KANSL1: variants seen among roughly 807,000 people sequenced by gnomAD.
KANSL1 encodes the protein MLL1/MLL complex subunit KANSL1.
Under a neutral mutation model 103.6 loss-of-function variants are expected in KANSL1, and 22 were observed. That is an observed-to-expected ratio of 0.21 (90% CI 0.15 to 0.30). The LOEUF (loss-of-function observed/expected upper bound fraction) is 0.30. Ranked by LOEUF, KANSL1 falls within the 10% of genes least tolerant of loss-of-function variation. The probability of loss-of-function intolerance (pLI) is 1.00; values close to 1 mark genes in which losing one functional copy is unlikely to be tolerated. For missense variants in KANSL1, 1,337 were observed against 1,399.8 expected (o/e 0.96, Z 0.72); for synonymous variants, 600 against 527.6 (o/e 1.14, Z -1.88).
chr17:46,106,285 C>T (rs2042562722), intron 2 of KANSL1, among the ~76,000 whole-genome samples: 1 of 152,192 alleles, frequency 6.6e-6, no homozygotes, highest in East Asian at 1.9e-4. Context: ...AATAATGCTC[C>T]AACTTTAGTA....
chr17:46,091,241 A>G lies in KANSL1; in HGVS notation c.1431+3319T>C, dbSNP rs528551308. 2.3e-4 allele frequency among the ~76,000 whole-genome samples: 35 copies of G among 152,360 alleles called. 1 individual carries two copies. The highest frequency in any genetic ancestry group is 8.4e-4 in the African/African-American group (35 of 41,582). On this transcript the variant is annotated intron_variant, in intron 3 of 14. Transcript: ENST00000432791. The stretch of plus-strand genomic sequence containing the variant: ...AAATAAAACTTTCATTTTAAAATGG[A>G]AAGTTTTAAAGATAGAAAAAAGCTT...
At chr17:46,076,129 G>T (rs958730858) in intron 4 of KANSL1, among the ~76,000 whole-genome samples, 1 of 152,178 alleles carries the variant, frequency 6.6e-6, no homozygotes. Context: ...AATTAACTTT[G>T]TAAGAAGGCT....
chr17:46,104,288 TG>T (rs1290734789), intron 2 of KANSL1, among the ~76,000 whole-genome samples: 2 of 152,356 alleles, frequency 1.3e-5, no homozygotes, highest in East Asian at 3.9e-4. Context: ...TGTAATTGTT[TG>T]TCATACCCTA....
At chr17:46,126,826 G>A (rs1355928669) in intron 2 of KANSL1, among the ~76,000 whole-genome samples, 1 of 152,142 alleles carries the variant, frequency 6.6e-6, no homozygotes, top group Non-Finnish European at 1.5e-5. Flanking sequence ...CCTAAAGTAG[G>A]AAAGAATAAT....
At chr17:46,184,801 A>C (rs1335208421) in intron 1 of KANSL1, among the ~76,000 whole-genome samples, 5 of 148,884 alleles carry the variant, frequency 3.4e-5, no homozygotes, top group Admixed American at 3.3e-4. Flanking sequence ...ATAAACTCAC[A>C]ATTTTGTCTT....
chr17:46,154,285 C>T (rs1044419293), intron 2 of KANSL1, among the ~76,000 whole-genome samples: 2 of 152,210 alleles, frequency 1.3e-5, no homozygotes, highest in Non-Finnish European at 2.9e-5. Context: ...TCTGATTTGT[C>T]CCTTGACAAA....
chr17:46,057,680 A>T (rs1204981148), intron 6 of KANSL1, among the ~76,000 whole-genome samples: 1 of 152,274 alleles, frequency 6.6e-6, no homozygotes, highest in African/African-American at 2.4e-5. Context: ...GGACAGAAAA[A>T]CATCACTGTT....
At chr17:46,106,551 C>A (rs2042576838) in intron 2 of KANSL1, among the ~76,000 whole-genome samples, 1 of 152,134 alleles carries the variant, frequency 6.6e-6, no homozygotes, top group Admixed American at 6.5e-5. Flanking sequence ...CACCACCACA[C>A]CTGGCTAATT....
rs566090811 is a variant in KANSL1 at position 46,188,252 on chromosome 17, T to C, written c.-90+4571A>G. Among the ~76,000 whole-genome samples the C allele has an allele frequency of 9.8e-5, 15 of 152,390 alleles. No individual in the cohort carries two copies. The South Asian group carries it at 2.7e-3, about 27-fold the overall frequency. ...TACAGTGGATATTTGTCTTTTCTAATTCATACTGTCTTCTACAGCCATAGT... is the reference window on the plus strand; with the variant it reads ...TACAGTGGATATTTGTCTTTTCTAACTCATACTGTCTTCTACAGCCATAGT... On this transcript the variant is annotated intron_variant, in intron 1 of 14. Transcript: ENST00000432791.
upstream of KANSL1, among the ~76,000 whole-genome samples, chr17:46,223,994 A>G (rs2048608404): frequency 6.6e-6 from 1 of 151,592 alleles, no homozygotes; most frequent in African/African-American, 2.4e-5. Context: ...ACTTTACATA[A>G]AAAGAGAAAT....
chr17:46,189,425 CTG>C (rs1222203669), intron 1 of KANSL1, among the ~76,000 whole-genome samples: 1 of 152,054 alleles, frequency 6.6e-6, no homozygotes, highest in African/African-American at 2.4e-5. Context: ...TCGCTTATTT[CTG>C]TGTCTTAATG....
At chr17:46,087,075 T>C (rs1241609816) in intron 3 of KANSL1, among the ~76,000 whole-genome samples, 2 of 152,270 alleles carry the variant, frequency 1.3e-5, no homozygotes, top group African/African-American at 4.8e-5. Context: ...GCTTGAATGT[T>C]TATTTGAAGA....
intron 7 of KANSL1, chr17:46,045,504 C>T (rs890752655): frequency 6.6e-6 from 1 of 150,810 alleles, no homozygotes; most frequent in African/African-American, 2.4e-5. Flanking sequence ...GTCCAAACCC[C>T]AGGGCCATAG....
rs554342482 is a variant in KANSL1 at position 46,101,026 on chromosome 17, C to G, written c.1290-6325G>C. On this transcript the variant is annotated intron_variant, in intron 2 of 14. Transcript: ENST00000432791. ...AGATAAATTGACAAAGGATTATGTG[C>G]TACTTCCAAGTGTGCAGGAAATCCT... Among the ~76,000 whole-genome samples, 8 of 152,316 alleles carry G rather than the reference C, an allele frequency of 5.3e-5. No individual in the cohort carries two copies. In the South Asian group the frequency reaches 1.7e-3, roughly 32 times the overall value.
rs2077679375 is a variant in KANSL1, at chr17:46,050,652, G to A, written c.1901C>T (p.Ala634Val). 1.2e-6 allele frequency: 2 copies of A among 1,614,038 alleles called. No individual in the cohort carries two copies. Among genetic ancestry groups the A allele is most frequent in the Admixed American group, 1.7e-5 (1 of 60,004 alleles). The part of the protein sequence containing the change: ...RPGCDVNPSC[A>V]LCGSGSINTM... ...GTTGATGCTGCCTGAACCACACAGT[G>A]CGCAGGAGGGATTCACATCACAGCC... Residue 634 changes from alanine (A) to valine (V), a missense_variant, in exon 7 of 15, where the codon GCA becomes GTA. Ala to Val is a moderately conservative substitution (Grantham distance 64, BLOSUM62 0). Around this residue, in one of 2 missense-constraint regions of KANSL1, gnomAD observed 780 missense variants for 923.4 expected, o/e 0.84. Coordinates refer to ENST00000432791, the MANE Select transcript of KANSL1 (RefSeq NM_015443.4).
chr17:46,053,989 C>T (rs924960776), intron 6 of KANSL1, among the ~76,000 whole-genome samples: 4 of 152,130 alleles, frequency 2.6e-5, no homozygotes, highest in Non-Finnish European at 5.9e-5. Flanking sequence ...AATATCACAA[C>T]AGATGGTGTG....
At chr17:46,194,492 C>T (rs1026147053), upstream of KANSL1, among the ~76,000 whole-genome samples, 1 of 152,206 alleles carries the variant, frequency 6.6e-6, no homozygotes, top group African/African-American at 2.4e-5. Flanking sequence ...AATAATGGAA[C>T]CTTTCCTAGA....
intron 4 of KANSL1, among the ~76,000 whole-genome samples, chr17:46,072,223 A>T (rs1442639832): frequency 6.6e-6 from 1 of 152,198 alleles, no homozygotes; most frequent in African/African-American, 2.4e-5. Context: ...TTCACCAAAA[A>T]GTAGAGAGGG....
chr17:46,129,337 TAA>T (rs1001344220), intron 2 of KANSL1, among the ~76,000 whole-genome samples: 2 of 152,124 alleles, frequency 1.3e-5, no homozygotes, highest in South Asian at 2.1e-4. Context: ...GGGAGTTAAA[TAA>T]AAAAGAGATC....
Sources: allele counts gnomAD v4.1 joint callset (sites outside exome capture counted in the v4.1 genomes callset), GRCh38; gene constraint gnomAD v4.1.1; regional missense constraint gnomAD v4.1.1; transcripts MANE v1.5; gene names NCBI Gene and HGNC (gene_info 2026-07-23, HGNC 2026-07-21).